SMC4: variants seen among roughly 807,000 people sequenced by gnomAD.
The protein encoded by SMC4 is structural maintenance of chromosomes 4, also known as structural maintenance of chromosomes protein 4.
In SMC4, 87 loss-of-function variants were observed where a neutral mutation model predicts 145.6. The observed-to-expected ratio is 0.60, with a 90% CI of 0.50 to 0.71. The LOEUF is 0.71. Among genes scored for constraint, SMC4 ranks in the 30% least tolerant of loss-of-function variants. The probability of loss-of-function intolerance (pLI) is 0.00; values close to 1 mark genes in which losing one functional copy is unlikely to be tolerated. For synonymous variants in SMC4, 558 were observed against 500.7 expected, an observed-to-expected ratio of 1.11 and a Z score of -1.53; for missense variants, 1,447 against 1,537.1, an observed-to-expected ratio of 0.94 and a Z score of 0.98.
chr3:160,427,126 G>A (rs1717876353), intron 17 of SMC4, among the ~76,000 whole-genome samples: 1 of 152,166 alleles, frequency 6.6e-6, no homozygotes, highest in Admixed American at 6.5e-5. Flanking sequence ...GTGTTTATCT[G>A]CATTTCTAAT....
At chr3:160,402,585 G>GT in intron 3 of SMC4, 91 bp from the exon 4 acceptor site, 2 of 1,362,018 alleles carry the variant, frequency 1.5e-6, no homozygotes, top group Non-Finnish European at 2.0e-6. Context: ...TTAACTGCAA[G>GT]TAAAAAAATC....
intron 18 of SMC4, among the ~76,000 whole-genome samples, chr3:160,429,631 G>A (rs1718161586): frequency 6.6e-6 from 1 of 151,268 alleles, no homozygotes; most frequent in African/African-American, 2.4e-5. Context: ...ACAGGCATGA[G>A]CCACTGCACC....
At chr3:160,428,018 C>T (rs987969819) in intron 17 of SMC4, among the ~76,000 whole-genome samples, 7 of 152,140 alleles carry the variant, frequency 4.6e-5, no homozygotes, top group African/African-American at 7.2e-5. Context: ...AGCTGAACCA[C>T]GAGAATGGCT....
In SMC4 at chr3:160,432,095, G is replaced by A. The variant is rs150116357; in HGVS notation, c.3298-188G>A. On this transcript the variant is annotated intron_variant, in intron 21 of 23. Coordinates refer to ENST00000357388, the MANE Select transcript of SMC4 (RefSeq NM_001002800.3). ...CACGTGCCTGTAATCCCGGGTACTC[G>A]GGAGGCTGAGGCAGGAGAATCGCTT... is the stretch of plus-strand genomic sequence containing the variant. Among the ~76,000 whole-genome samples, 996 of 152,288 alleles carry A rather than the reference G, an allele frequency of 6.5e-3. 5 individuals carry two copies. Among genetic ancestry groups the A allele is most frequent in the Non-Finnish European group, 9.9e-3 (675 of 68,008 alleles).
chr3:160,424,574 T>A (rs992485168), intron 15 of SMC4, among the ~76,000 whole-genome samples: 8 of 152,086 alleles, frequency 5.3e-5, no homozygotes, highest in African/African-American at 1.7e-4. Flanking sequence ...TTTGGGAGTC[T>A]GAGGCTGTCA....
intron 5 of SMC4, among the ~76,000 whole-genome samples, chr3:160,410,259 TA>T (rs1559994097): frequency 6.6e-6 from 1 of 152,140 alleles, no homozygotes; most frequent in African/African-American, 2.4e-5. Flanking sequence ...GAAATGCTAT[TA>T]AAGCATCTTA....
At chr3:160,421,039 C>T (rs1465923826) in intron 13 of SMC4, 138 bp downstream of exon 13, 1 of 578,436 alleles carries the variant, frequency 1.7e-6, no homozygotes, top group African/African-American at 2.0e-5. Flanking sequence ...ACACCATTCT[C>T]CTGCCTCAGC....
At chr3:160,425,168 T>G in intron 16 of SMC4, 149 bp downstream of exon 16, 1 of 1,240,106 alleles carries the variant, frequency 8.1e-7, no homozygotes, top group Non-Finnish European at 1.1e-6. Context: ...TCTTGATGAT[T>G]TTGTTTCACT....
At chr3:160,406,085 G>A (rs1003955592) in intron 5 of SMC4, among the ~76,000 whole-genome samples, 4 of 152,028 alleles carry the variant, frequency 2.6e-5, no homozygotes, top group African/African-American at 4.8e-5. Context: ...TTGTCCCAAC[G>A]AAGTAAATAA....
chr3:160,423,731 T>C lies in SMC4; in HGVS notation c.2246-30T>C, dbSNP rs371781647. On this transcript the variant is annotated intron_variant, in intron 14 of 23. Coordinates refer to ENST00000357388, the MANE Select transcript of SMC4 (RefSeq NM_001002800.3). ...TATTTAATCTTGTTGGGGAGACATC[T>C]GAAGCTGACTTCTCTCCCCTGTTTT... The C allele has an allele frequency of 1.7e-5, 27 of 1,607,994 alleles. No individual in the cohort carries two copies. In the African/African-American group the frequency reaches 2.9e-4, roughly 18 times the overall value.
At position 160,411,904 on chromosome 3, in the gene SMC4, T is replaced by A; in HGVS notation, c.688-16T>A. 6.2e-7 allele frequency: 1 copy of A among 1,609,098 alleles called. No homozygotes were observed. The highest frequency in any genetic ancestry group is 8.5e-7 in the Non-Finnish European group (1 of 1,177,508). On this transcript the variant is annotated splice_polypyrimidine_tract_variant and intron_variant, in intron 5 of 23. Transcript: ENST00000357388. Reference sequence around the variant, plus strand: ...AAACATACACAGTGAGTATGAAATATAACTTTTTTTTAAAGGGTGAAGTTG... The same window carrying A: ...AAACATACACAGTGAGTATGAAATAAAACTTTTTTTTAAAGGGTGAAGTTG...
chr3:160,418,876 T>A (rs1175021766), intron 11 of SMC4, among the ~76,000 whole-genome samples: 1 of 152,166 alleles, frequency 6.6e-6, no homozygotes, highest in Non-Finnish European at 1.5e-5. Context: ...TGTATAGCAA[T>A]AGGACTATCC....
chr3:160,419,558 T>G lies in SMC4; in HGVS notation c.1857+15T>G, dbSNP rs747193340. The G allele has an allele frequency of 8.9e-6, 14 of 1,571,576 alleles. No individual in the cohort carries two copies. The highest frequency in any genetic ancestry group is 1.2e-5 in the Non-Finnish European group (14 of 1,168,084). Reference sequence around the variant, plus strand: ...ATGGAAGATTGGTAAAGTAGATTTTTGGGGGGCATGGCTTTACTTTTTTTT... The same window carrying G: ...ATGGAAGATTGGTAAAGTAGATTTTGGGGGGGCATGGCTTTACTTTTTTTT... On this transcript the variant is annotated intron_variant, in intron 12 of 23. Transcript: ENST00000357388.
rs6781020 is a variant in SMC4, at chr3:160,417,166, A to T, written c.1438-557A>T. On this transcript the variant is annotated intron_variant, in intron 10 of 23. Coordinates refer to ENST00000357388, the MANE Select transcript of SMC4 (RefSeq NM_001002800.3). ...TGGTAATTGACTGCATTAAAAAGTC[A>T]TGGTAGAGTCTGCTTTGGCATATCA... is the stretch of plus-strand genomic sequence containing the variant. Among the ~76,000 whole-genome samples the T allele has an allele frequency of 9.4e-3, 1,435 of 152,302 alleles. 27 individuals carry two copies. The highest frequency in any genetic ancestry group is 0.032 in the African/African-American group (1,331 of 41,578).
chr3:160,431,816 T>TA lies in SMC4; in HGVS notation c.3293dup (p.Lys1099GlufsTer18), dbSNP rs549512159. ...CAAACCTCGGTGCCATCGCAGAGTA[T>TA]AAAAAGAAGGTATGAATGAACTGTG... On this transcript the variant is annotated frameshift_variant, in exon 21 of 24. Transcript: ENST00000357388. LOFTEE classifies it high-confidence loss of function. 6.2e-7 allele frequency: 1 copy of TA among 1,611,782 alleles called. No homozygotes were observed. The highest frequency in any genetic ancestry group is 1.7e-5 in the Admixed American group (1 of 59,104).
At chr3:160,407,386 C>A (rs1715449205) in intron 5 of SMC4, among the ~76,000 whole-genome samples, 1 of 152,156 alleles carries the variant, frequency 6.6e-6, no homozygotes, top group Admixed American at 6.5e-5. Context: ...AACTATGTCT[C>A]TATAGAAAAT....
rs747478933 is a variant in SMC4 at position 160,431,062 on chromosome 3, C to T, written c.2971C>T (p.Arg991Cys). The part of the protein sequence containing the change: ...ESLPEIQKEH[R>C]NLLQELKVIQ... The stretch of plus-strand genomic sequence containing the variant: ...CTTACCAGAGATCCAGAAAGAACAT[C>T]GCAATCTGCTTCAAGAATTAAAAGT... The change falls in exon 20 of 24, where the codon CGC becomes TGC. Residue 991 changes from arginine to cysteine, a missense_variant. Physicochemically the swap from Arg to Cys is radical, Grantham distance 180. Coordinates refer to ENST00000357388, the MANE Select transcript of SMC4 (RefSeq NM_001002800.3). 7 of 1,605,422 alleles carry T rather than the reference C, an allele frequency of 4.4e-6. No homozygotes were observed. The highest frequency in any genetic ancestry group is 2.3e-5 in the South Asian group (2 of 88,884).
At chr3:160,422,406 G>A (rs1717280400) in intron 13 of SMC4, among the ~76,000 whole-genome samples, 1 of 152,130 alleles carries the variant, frequency 6.6e-6, no homozygotes, top group Non-Finnish European at 1.5e-5. Flanking sequence ...AATATGAAGT[G>A]GTATCTCATG....
chr3:160,410,148 G>A (rs907042411), intron 5 of SMC4, among the ~76,000 whole-genome samples: 6 of 152,146 alleles, frequency 3.9e-5, no homozygotes, highest in African/African-American at 1.4e-4. Flanking sequence ...CAGTAATTCT[G>A]CCCCTTTTCC....
Sources: gnomAD v4.1 joint callset for allele counts (sites outside exome capture counted in the v4.1 genomes callset) on GRCh38, gnomAD v4.1.1 for gene constraint, MANE v1.5 for transcripts, NCBI Gene and HGNC (gene_info 2026-07-23, HGNC 2026-07-21) for gene names.